TBCE: variants seen among roughly 807,000 people sequenced by gnomAD.
TBCE encodes the protein tubulin folding cofactor E, also known as tubulin-specific chaperone E.
TBCE carries 53 observed loss-of-function variants against 77.0 expected under a neutral mutation model. The observed-to-expected ratio is 0.69, with a 90% CI of 0.55 to 0.87. The LOEUF (loss-of-function observed/expected upper bound fraction) is 0.87. Ranked by LOEUF, TBCE falls within the 40% of genes least tolerant of loss-of-function variation. The pLI is 0.00. For synonymous variants in TBCE, 235 were observed against 241.3 expected (o/e 0.97, Z 0.24); for missense variants, 624 against 622.4 (o/e 1.00, Z -0.03).
intron 4 of TBCE, chr1:235,419,005 G>C (rs1298655528): frequency 9.0e-6 from 2 of 221,892 alleles, no homozygotes; most frequent in Non-Finnish European, 1.8e-5. Context: ...TCAGGAGTTC[G>C]AGACCAGTCT....
intron 5 of TBCE, among the ~76,000 whole-genome samples, chr1:235,424,427 G>GT (rs11429402): frequency 6.7e-6 from 1 of 150,346 alleles, no homozygotes; most frequent in African/African-American, 2.5e-5. Context: ...CCAGGTTCAA[G>GT]GATTCTTCTG....
At chr1:235,432,677 A>G (rs1255132428) in intron 7 of TBCE, among the ~76,000 whole-genome samples, 13 of 152,022 alleles carry the variant, frequency 8.6e-5, no homozygotes, top group Admixed American at 8.5e-4. Context: ...GCACACAGAA[A>G]TTGAAGTGGT....
At chr1:235,419,830 G>T (rs887791327) in intron 5 of TBCE, among the ~76,000 whole-genome samples, 1 of 150,614 alleles carries the variant, frequency 6.6e-6, no homozygotes, top group Non-Finnish European at 1.5e-5. Context: ...GCTCACGCCT[G>T]TAATCCTAGC....
intron 5 of TBCE, among the ~76,000 whole-genome samples, chr1:235,421,243 T>TA (rs936270173): frequency 5.9e-5 from 9 of 151,946 alleles, no homozygotes; most frequent in African/African-American, 1.7e-4. Flanking sequence ...CTTGTCTCTA[T>TA]AAAAAATTAA....
chr1:235,413,314 T>C (rs1281190040), intron 3 of TBCE, among the ~76,000 whole-genome samples: 1 of 151,720 alleles, frequency 6.6e-6, no homozygotes, highest in African/African-American at 2.4e-5. Context: ...TTAGTTATGG[T>C]TGTGTCACTG....
chr1:235,447,199 T>C (rs1682405301), intron 15 of TBCE, among the ~76,000 whole-genome samples: 2 of 152,234 alleles, frequency 1.3e-5, no homozygotes, highest in South Asian at 4.1e-4. Context: ...ATTCAATACA[T>C]ACAAAAAGGC....
rs1045574785 is a variant in TBCE, at chr1:235,371,468, C to T, written c.-32+3964C>T. Among the ~76,000 whole-genome samples the T allele has an allele frequency of 4.0e-5, 6 of 150,840 alleles. No individual in the cohort carries two copies. In the East Asian group the frequency reaches 5.9e-4, roughly 15 times the overall value. On this transcript the variant is annotated intron_variant, in intron 1 of 16. Coordinates refer to ENST00000642610, the MANE Select transcript of TBCE (RefSeq NM_003193.5). The stretch of plus-strand genomic sequence containing the variant: ...TTGGCTCACTGCAAGCTCTACCTCC[C>T]GGGTTCAAGTGATTCTCCCACCTCA...
At chr1:235,437,255 G>A in intron 11 of TBCE, 67 bp from the exon 12 acceptor site, 1 of 1,606,256 alleles carries the variant, frequency 6.2e-7, no homozygotes, top group Non-Finnish European at 8.5e-7. Context: ...CCTGTTGCTG[G>A]TTCAAACTTC....
At chr1:235,390,758 C>CAAA (rs35639285) in intron 2 of TBCE, among the ~76,000 whole-genome samples, 130 of 71,428 alleles carry the variant, frequency 1.8e-3, no homozygotes, top group Middle Eastern at 7.1e-3. Flanking sequence ...CGAAACGTCT[C>CAAA]AAAAAAAAAA....
At chr1:235,368,277 A>G (rs761163645) in intron 1 of TBCE, among the ~76,000 whole-genome samples, 2 of 152,092 alleles carry the variant, frequency 1.3e-5, no homozygotes, top group Non-Finnish European at 2.9e-5. Context: ...GATCCAAATG[A>G]TGGTGTGACA....
rs1336710867 is a variant in TBCE, at chr1:235,436,571, T to C, written c.926T>C (p.Leu309Ser). 4 of 1,614,084 alleles carry C rather than the reference T, an allele frequency of 2.5e-6. No homozygotes were observed. The South Asian group carries it at 3.3e-5, about 13-fold the overall frequency. The part of the protein sequence containing the change: ...IGCKTSMFPS[L>S]KYLVVNDNQI... ...TGCAAAACGTCCATGTTCCCATCCT[T>C]GAAGTACCTGGTAGTAAACGACAAT... The change falls in exon 11 of 17, where the codon TTG (leucine) becomes TCG (serine). Residue 309 changes from leucine (L) to serine (S), a missense_variant. By Grantham distance (145) the Leu-to-Ser change is moderately radical. Coordinates refer to ENST00000642610, the MANE Select transcript of TBCE (RefSeq NM_003193.5).
intron 1 of TBCE, among the ~76,000 whole-genome samples, chr1:235,373,650 T>C (rs1233075634): frequency 6.6e-6 from 1 of 150,434 alleles, no homozygotes; most frequent in Non-Finnish European, 1.5e-5. Context: ...ATTTTTATTT[T>C]ATTTTATTTT....
chr1:235,423,508 G>A (rs893848880), intron 5 of TBCE: 1 of 152,406 alleles, frequency 6.6e-6, no homozygotes, highest in African/African-American at 2.4e-5. Flanking sequence ...AACACAGGGT[G>A]GCCAAAGTGT....
rs1284508886 is a variant in TBCE, at chr1:235,450,449, T to C, written c.*1687T>C. 2 of 1,349,050 alleles carry C rather than the reference T, an allele frequency of 1.5e-6. No homozygotes were observed. Among genetic ancestry groups the C allele is most frequent in the Non-Finnish European group, 2.0e-6 (2 of 977,136 alleles). The allele number at this position is 1,349,050 out of a possible 1,614,324, so 83.6% of individuals were successfully genotyped here. A position where few individuals can be genotyped will look rare whatever the true frequency, so the allele number is the denominator to read the frequency against. On this transcript the variant is annotated 3_prime_UTR_variant, in exon 17 of 17. Transcript: ENST00000642610. ...TGTATTCTAATGATGCTGAAATTAT[T>C]TCAAGGATAACTCCGTGTGTGGAAC...
chr1:235,383,776 A>G (rs895632822), intron 2 of TBCE, among the ~76,000 whole-genome samples: 1 of 152,178 alleles, frequency 6.6e-6, no homozygotes, highest in Non-Finnish European at 1.5e-5. Flanking sequence ...GGATAATTTG[A>G]CTTCCTCTTT....
At chr1:235,402,860 G>A (rs1195550406) in intron 3 of TBCE, among the ~76,000 whole-genome samples, 10 of 152,008 alleles carry the variant, frequency 6.6e-5, no homozygotes, top group Admixed American at 6.6e-4. Flanking sequence ...CAAACTCCTG[G>A]CCTCAAGCGA....
intron 2 of TBCE, among the ~76,000 whole-genome samples, chr1:235,392,249 G>A (rs1225088821): frequency 6.6e-6 from 1 of 151,988 alleles, no homozygotes; most frequent in East Asian, 1.9e-4. Flanking sequence ...CAGCTACTTG[G>A]GAAGCTGAAA....
At chr1:235,371,707 T>G (rs1016358247) in intron 1 of TBCE, among the ~76,000 whole-genome samples, 1 of 140,586 alleles carries the variant, frequency 7.1e-6, no homozygotes, top group Non-Finnish European at 1.5e-5. Flanking sequence ...AGTTTTGCTC[T>G]TGTCACCCAG....
chr1:235,380,285 T>C (rs528405959), intron 2 of TBCE, 136 bp downstream of exon 2: 2 of 760,790 alleles, frequency 2.6e-6, no homozygotes, highest in South Asian at 3.1e-5. Context: ...AATTAACAAC[T>C]AATTTATAGG....
Sources: allele counts gnomAD v4.1 joint callset (sites outside exome capture counted in the v4.1 genomes callset), GRCh38; gene constraint gnomAD v4.1.1; transcripts MANE v1.5; gene names NCBI Gene and HGNC (gene_info 2026-07-23, HGNC 2026-07-21).